PTPRD: variants seen among roughly 807,000 people sequenced by gnomAD.
PTPRD encodes the protein receptor-type tyrosine-protein phosphatase delta.
PTPRD carries 34 observed loss-of-function variants against 214.5 expected under a neutral mutation model. That is an observed-to-expected ratio of 0.16 (90% CI 0.12 to 0.21). The LOEUF (loss-of-function observed/expected upper bound fraction) is 0.21, where lower values mean the gene tolerates loss of function less well. Among genes scored for constraint, PTPRD ranks in the 10% least tolerant of loss-of-function variants. PTPRD has a pLI of 1.00. For synonymous variants in PTPRD, 1,128 were observed against 845.7 expected, an observed-to-expected ratio of 1.33 and a Z score of -5.79; for missense variants, 2,545 against 2,398.7, an observed-to-expected ratio of 1.06 and a Z score of -1.27.
intron 8 of PTPRD, among the ~76,000 whole-genome samples, chr9:9,471,530 G>A (rs2094585736): frequency 6.6e-6 from 1 of 152,048 alleles, no homozygotes; most frequent in Non-Finnish European, 1.5e-5. Flanking sequence ...AGAATTTATT[G>A]CTTAAATAGA....
intron 14 of PTPRD, among the ~76,000 whole-genome samples, chr9:8,566,546 A>T (rs2089293885): frequency 6.6e-6 from 1 of 152,126 alleles, no homozygotes; most frequent in Non-Finnish European, 1.5e-5. Context: ...CCATAACTTC[A>T]CCTCTGAGTA....
chr9:8,695,904 A>G (rs568791035), intron 12 of PTPRD, among the ~76,000 whole-genome samples: 7 of 152,182 alleles, frequency 4.6e-5, no homozygotes, highest in Non-Finnish European at 1.0e-4. Context: ...CTTTCTCTCT[A>G]TTCTCAGATT....
intron 2 of PTPRD, among the ~76,000 whole-genome samples, chr9:10,373,230 T>C (rs2154478894): frequency 6.6e-6 from 1 of 151,996 alleles, no homozygotes; most frequent in East Asian, 1.9e-4. Flanking sequence ...GGTTAATCTA[T>C]TCAGACTGTG....
chr9:8,571,560 T>C (rs1466053946), intron 14 of PTPRD, among the ~76,000 whole-genome samples: 3 of 152,170 alleles, frequency 2.0e-5, no homozygotes, highest in Admixed American at 2.0e-4. Flanking sequence ...ATGGTTTTCT[T>C]CACAAACCTT....
intron 14 of PTPRD, among the ~76,000 whole-genome samples, chr9:8,562,080 T>C (rs13294631): frequency 0.16 from 24,293 of 152,144 alleles, 2,405 homozygotes; most frequent in South Asian, 0.27. Flanking sequence ...ACTGATACAT[T>C]TGAAGCAAGA....
chr9:9,575,123 A>G (rs1403719441), intron 7 of PTPRD, among the ~76,000 whole-genome samples: 1 of 152,160 alleles, frequency 6.6e-6, no homozygotes, highest in Non-Finnish European at 1.5e-5. Context: ...TAATTTAACA[A>G]TGTCAGATAT....
At chr9:8,527,384 C>T (rs752890644) in intron 15 of PTPRD, 31 bp from the exon 16 acceptor site, 2 of 1,600,308 alleles carry the variant, frequency 1.2e-6, no homozygotes, top group South Asian at 1.1e-5. Context: ...AGAAGAAAGA[C>T]AGCATAAAAA....
intron 10 of PTPRD, among the ~76,000 whole-genome samples, chr9:9,049,513 G>T (rs2099680547): frequency 6.6e-6 from 1 of 152,166 alleles, no homozygotes. Flanking sequence ...TAGAAAACAT[G>T]ACTATAGAGT....
In PTPRD at chr9:9,467,874, A is replaced by G. The variant is rs74835882; in HGVS notation, c.-236-70392T>C. ...AATCTAATTGGTAACTATTCATTTT[A>G]AAATACATTGAGGTATTTGGTATGT... is the stretch of plus-strand genomic sequence containing the variant. On this transcript the variant is annotated intron_variant, in intron 8 of 45. Transcript: ENST00000381196. Among the ~76,000 whole-genome samples the G allele has an allele frequency of 2.0e-5, 3 of 152,180 alleles. No individual in the cohort carries two copies. In the East Asian group the frequency reaches 5.8e-4, roughly 29 times the overall value.
At chr9:8,953,925 A>G (rs566468853) in intron 11 of PTPRD, among the ~76,000 whole-genome samples, 34 of 151,992 alleles carry the variant, frequency 2.2e-4, no homozygotes, top group Non-Finnish European at 4.7e-4. Context: ...CACTGCGGAA[A>G]GCAGTTTGGG....
At chr9:10,401,792 T>C (rs1310481688) in intron 2 of PTPRD, among the ~76,000 whole-genome samples, 1 of 150,976 alleles carries the variant, frequency 6.6e-6, no homozygotes, top group African/African-American at 2.4e-5. Flanking sequence ...AAAAATTTCA[T>C]ATGTGTCCTA....
Position 9,419,128 on chromosome 9 carries a change from T to C in PTPRD, c.-236-21646A>G, listed in dbSNP as rs867511812. On this transcript the variant is annotated intron_variant, in intron 8 of 45. Coordinates refer to ENST00000381196, the MANE Select transcript of PTPRD (RefSeq NM_002839.4). Reference sequence around the variant, plus strand: ...ATGAATTCTAAAGATAGGCCCCTTATACACACACACACACACACACACACA... The same window carrying C: ...ATGAATTCTAAAGATAGGCCCCTTACACACACACACACACACACACACACA... 1.9e-3 allele frequency among the ~76,000 whole-genome samples: 267 copies of C among 139,984 alleles called. 1 individual carries two copies. In the Middle Eastern group the frequency reaches 0.056, roughly 30 times the overall value. The allele number at this position is 139,984 out of a possible 152,430, so 91.8% of individuals were successfully genotyped here. A position where few individuals can be genotyped will look rare whatever the true frequency, so the allele number is the denominator to read the frequency against.
At chr9:9,146,594 G>C (rs565238618) in intron 10 of PTPRD, among the ~76,000 whole-genome samples, 41 of 152,020 alleles carry the variant, frequency 2.7e-4, no homozygotes, top group Admixed American at 2.7e-3. Context: ...TTCACAGCTC[G>C]AAGGGACCTT....
intron 7 of PTPRD, among the ~76,000 whole-genome samples, chr9:9,659,532 T>C (rs2154378903): frequency 6.6e-6 from 1 of 152,192 alleles, no homozygotes; most frequent in Non-Finnish European, 1.5e-5. Context: ...GTTAGTATTT[T>C]TTTTAAACCC....
At chr9:10,560,998 A>G (rs1030228082) in intron 2 of PTPRD, among the ~76,000 whole-genome samples, 1 of 152,204 alleles carries the variant, frequency 6.6e-6, no homozygotes, top group Non-Finnish European at 1.5e-5. Context: ...TGTTCGGATA[A>G]AGTGTAAATA....
chr9:9,456,249 G>C (rs1403980345), intron 8 of PTPRD, among the ~76,000 whole-genome samples: 6 of 151,822 alleles, frequency 4.0e-5, no homozygotes, highest in African/African-American at 7.2e-5. Flanking sequence ...AACTAAAGGA[G>C]TTAGAGTGGA....
chr9:8,739,011 G>T (rs1236394917), intron 11 of PTPRD, among the ~76,000 whole-genome samples: 1 of 152,194 alleles, frequency 6.6e-6, no homozygotes, highest in Non-Finnish European at 1.5e-5. Flanking sequence ...CCCAAACCAG[G>T]CCTCTGTAAA....
At chr9:8,812,282 A>G (rs1174119154) in intron 11 of PTPRD, among the ~76,000 whole-genome samples, 1 of 152,212 alleles carries the variant, frequency 6.6e-6, no homozygotes, top group Non-Finnish European at 1.5e-5. Flanking sequence ...TTATAGGTCT[A>G]CACATGTATA....
At chr9:9,787,748 T>C (rs1227268700) in intron 5 of PTPRD, among the ~76,000 whole-genome samples, 1 of 151,170 alleles carries the variant, frequency 6.6e-6, no homozygotes, top group Non-Finnish European at 1.5e-5. Context: ...AATTTGAATC[T>C]GAACAACGTA....
Sources: gnomAD v4.1 joint callset for allele counts (sites outside exome capture counted in the v4.1 genomes callset) on GRCh38, gnomAD v4.1.1 for gene constraint, MANE v1.5 for transcripts, NCBI Gene and HGNC (gene_info 2026-07-23, HGNC 2026-07-21) for gene names.